PTPRD: variants seen among roughly 807,000 people sequenced by gnomAD.
PTPRD encodes the protein receptor-type tyrosine-protein phosphatase delta.
A neutral mutation model predicts 214.5 loss-of-function variants in PTPRD; 34 were observed. The ratio of observed to expected loss-of-function variants is 0.16; its 90% CI spans 0.12 to 0.21. The LOEUF is 0.21. Ranked by LOEUF, PTPRD falls within the 10% of genes least tolerant of loss-of-function variation. The pLI is 1.00. For missense variants in PTPRD, 2,545 were observed against 2,398.7 expected, an observed-to-expected ratio of 1.06 and a Z score of -1.27; for synonymous variants, 1,128 against 845.7, an observed-to-expected ratio of 1.33 and a Z score of -5.79.
chr9:10,254,731 C>G (rs1595454430), intron 3 of PTPRD, among the ~76,000 whole-genome samples: 1 of 152,106 alleles, frequency 6.6e-6, no homozygotes, highest in East Asian at 1.9e-4. Context: ...AAACACATAC[C>G]CTGACATGAT....
At chr9:9,856,749 G>A (rs2061632668) in intron 5 of PTPRD, among the ~76,000 whole-genome samples, 1 of 152,122 alleles carries the variant, frequency 6.6e-6, no homozygotes, top group African/African-American at 2.4e-5. Context: ...TTTCTCAGCT[G>A]AACTTAACTC....
At chr9:10,492,119 G>A (rs1037538870) in intron 2 of PTPRD, among the ~76,000 whole-genome samples, 2 of 152,056 alleles carry the variant, frequency 1.3e-5, no homozygotes, top group Admixed American at 6.6e-5. Flanking sequence ...ATCATTGATG[G>A]GCATTTGGGT....
rs183515257 is a variant in PTPRD at position 8,831,587 on chromosome 9, C to T, written c.-103-97641G>A. On this transcript the variant is annotated intron_variant, in intron 11 of 45. Coordinates refer to ENST00000381196, the MANE Select transcript of PTPRD (RefSeq NM_002839.4). Reference sequence around the variant, plus strand: ...AACAACTGGGTGAGCAATATTAAAGCTTGTTAAACTTTCCTACAAATGTAT... The same window carrying T: ...AACAACTGGGTGAGCAATATTAAAGTTTGTTAAACTTTCCTACAAATGTAT... 2.5e-3 allele frequency among the ~76,000 whole-genome samples: 374 copies of T among 152,234 alleles called. 1 individual carries two copies. Among genetic ancestry groups the T allele is most frequent in the Non-Finnish European group, 4.1e-3 (277 of 68,000 alleles).
At chr9:10,261,523 G>C (rs556008697) in intron 3 of PTPRD, among the ~76,000 whole-genome samples, 2 of 152,072 alleles carry the variant, frequency 1.3e-5, no homozygotes, top group South Asian at 2.1e-4. Context: ...CAAAGTCAAA[G>C]AATGTTGTGT....
intron 11 of PTPRD, among the ~76,000 whole-genome samples, chr9:8,921,019 G>T (rs2098823834): frequency 6.6e-6 from 1 of 152,072 alleles, no homozygotes; most frequent in Non-Finnish European, 1.5e-5. Context: ...TCACCATGTT[G>T]GCCAGGCTGG....
At chr9:8,421,714 T>A (rs767406785) in intron 35 of PTPRD, among the ~76,000 whole-genome samples, 15 of 151,992 alleles carry the variant, frequency 9.9e-5, no homozygotes, top group Non-Finnish European at 1.9e-4. Flanking sequence ...CTCCATCAAA[T>A]GTTTAAAAGC....
chr9:10,471,993 T>C (rs1264575136), intron 2 of PTPRD, among the ~76,000 whole-genome samples: 1 of 152,104 alleles, frequency 6.6e-6, no homozygotes, highest in Non-Finnish European at 1.5e-5. Flanking sequence ...ATGTTTAAAA[T>C]GACACATGTG....
At position 10,605,750 on chromosome 9, in the gene PTPRD, C is replaced by T. The variant is rs77860504; in HGVS notation, c.-600+6648G>A. Among the ~76,000 whole-genome samples the T allele has an allele frequency of 2.8e-3, 432 of 151,908 alleles. 10 individuals carry two copies. In the East Asian group the frequency reaches 0.056, roughly 20 times the overall value. On this transcript the variant is annotated intron_variant, in intron 2 of 45. Transcript: ENST00000381196. ...CAAAAATTTTATGATAACGTGGATA[C>T]ATTTTATAAGACCATAAGATGGTCA...
chr9:10,436,298 G>A (rs2098717040), intron 2 of PTPRD, among the ~76,000 whole-genome samples: 1 of 151,564 alleles, frequency 6.6e-6, no homozygotes, highest in Non-Finnish European at 1.5e-5. Context: ...CACATAAATT[G>A]TTTTCAGTGT....
chr9:8,940,280 C>CCTTTTT (rs763715400), intron 11 of PTPRD, among the ~76,000 whole-genome samples: 5 of 89,056 alleles, frequency 5.6e-5, no homozygotes, highest in African/African-American at 1.7e-4. Context: ...TCTCTCTCTC[C>CCTTTTT]TTTTTTTTTT....
chr9:10,248,787 C>G (rs912401605), intron 3 of PTPRD, among the ~76,000 whole-genome samples: 2 of 151,880 alleles, frequency 1.3e-5, no homozygotes, highest in African/African-American at 4.8e-5. Context: ...TTGGGTAGCT[C>G]AAAAATCTTG....
chr9:8,524,518 T>C (rs2097963774), intron 18 of PTPRD, among the ~76,000 whole-genome samples: 1 of 152,104 alleles, frequency 6.6e-6, no homozygotes, highest in African/African-American at 2.4e-5. Flanking sequence ...CCTTTATGCT[T>C]GGAATTGCAC....
At chr9:8,999,594 G>A (rs759645708) in intron 11 of PTPRD, among the ~76,000 whole-genome samples, 13 of 151,942 alleles carry the variant, frequency 8.6e-5, no homozygotes, top group Non-Finnish European at 1.6e-4. Flanking sequence ...GCTTTATTGC[G>A]GTGGTCTGGA....
intron 4 of PTPRD, among the ~76,000 whole-genome samples, chr9:10,032,359 G>A (rs10958836): frequency 0.31 from 47,801 of 152,004 alleles, 8,055 homozygotes; most frequent in East Asian, 0.62. Context: ...CATAAATGAT[G>A]TGTGCCAACA....
At chr9:9,658,727 A>G (rs2096568349) in intron 7 of PTPRD, among the ~76,000 whole-genome samples, 1 of 152,184 alleles carries the variant, frequency 6.6e-6, no homozygotes, top group Non-Finnish European at 1.5e-5. Context: ...CATTATCACT[A>G]GTACTCTTAA....
intron 9 of PTPRD, among the ~76,000 whole-genome samples, chr9:9,326,152 A>C (rs1004755710): frequency 6.6e-6 from 1 of 152,132 alleles, no homozygotes; most frequent in African/African-American, 2.4e-5. Flanking sequence ...TGAGGAAAAT[A>C]AGGCACAGAG....
chr9:10,175,732 A>T (rs565628640), intron 3 of PTPRD, among the ~76,000 whole-genome samples: 8 of 152,100 alleles, frequency 5.3e-5, no homozygotes, highest in Non-Finnish European at 8.8e-5. Context: ...AAAGCAAATC[A>T]TTAAATTAGT....
intron 12 of PTPRD, among the ~76,000 whole-genome samples, chr9:8,653,692 C>A (rs573898306): frequency 6.6e-6 from 1 of 152,314 alleles, no homozygotes; most frequent in South Asian, 2.1e-4. Context: ...GCAATCAGCA[C>A]TGCACTGACC....
At chr9:8,375,210 G>C (rs555856589) in intron 39 of PTPRD, among the ~76,000 whole-genome samples, 1 of 151,836 alleles carries the variant, frequency 6.6e-6, no homozygotes, top group Non-Finnish European at 1.5e-5. Flanking sequence ...ATACTTAAGA[G>C]GCACTCAAAC....
Sources: gnomAD v4.1 joint callset for allele counts (sites outside exome capture counted in the v4.1 genomes callset) on GRCh38, gnomAD v4.1.1 for gene constraint, MANE v1.5 for transcripts, NCBI Gene and HGNC (gene_info 2026-07-23, HGNC 2026-07-21) for gene names.